STIMATE: variants seen among roughly 807,000 people sequenced by gnomAD.
The protein encoded by STIMATE is STIM activating enhancer.
STIMATE carries 15 observed loss-of-function variants against 36.7 expected under a neutral mutation model. The observed-to-expected ratio is 0.41, with a 90% CI of 0.27 to 0.63. STIMATE has a LOEUF of 0.63. STIMATE is among the 20% of genes least tolerant of loss of function. The pLI, the probability that STIMATE is intolerant of heterozygous loss-of-function variation, is 0.32. For missense variants in STIMATE, 305 were observed against 397.3 expected (o/e 0.77, Z 1.98); for synonymous variants, 163 against 162.3 (o/e 1.00, Z -0.03).
chr3:52,863,410 G>A (rs1312915506), intron 1 of STIMATE, among the ~76,000 whole-genome samples: 2 of 152,178 alleles, frequency 1.3e-5, no homozygotes, highest in African/African-American at 2.4e-5. Flanking sequence ...CACAGGAACA[G>A]TATGGGGGAA....
In STIMATE at chr3:52,896,091, G is replaced by A. The variant is rs73839530; in HGVS notation, c.160+1200C>T. On this transcript the variant is annotated intron_variant, in intron 1 of 7. Coordinates refer to ENST00000355083, the MANE Select transcript of STIMATE (RefSeq NM_198563.5). ...CAAGGACAGGCCACCAGAAGAACGC[G>A]GTATCCATGATCAGAGCCTCTTCAG... 5.2e-3 allele frequency: 2,429 copies of A among 465,208 alleles called. 60 individuals carry two copies. The highest frequency in any genetic ancestry group is 0.046 in the African/African-American group (2,289 of 49,896). The allele number at this position is 465,208 out of a possible 1,614,324, so 28.8% of individuals were successfully genotyped here.
rs1306955223 is a variant in STIMATE, at chr3:52,844,922, T to C, written c.447A>G (p.Gly149=). Residue 149 remains glycine (G), a synonymous_variant, in exon 5 of 8, where the codon GGA becomes GGG. Coordinates refer to ENST00000355083, the MANE Select transcript of STIMATE (RefSeq NM_198563.5). The part of the protein sequence containing the change: ...FGEYGDPLQC[G]AWVGQCALYI... ...AAAGAGCGCACTGCCCGACCCAGGC[T>C]CCACACTGCAGAGGGTCTCCTGCAG... The C allele has an allele frequency of 6.2e-7, 1 of 1,613,972 alleles. No homozygotes were observed. Among genetic ancestry groups the C allele is most frequent in the East Asian group, 2.2e-5 (1 of 44,872 alleles).
At position 52,845,073 on chromosome 3, in the gene STIMATE, C is replaced by CA. The variant is rs916490619; in HGVS notation, c.428-133dup. On this transcript the variant is annotated intron_variant, in intron 4 of 7. Coordinates refer to ENST00000355083, the MANE Select transcript of STIMATE (RefSeq NM_198563.5). ...TCTAAAGGTACTTAATGAGCCCCCC[C>CA]AAAAGTCCAAAGGATTACCTCATCC... The CA allele has an allele frequency of 5.7e-5, 42 of 743,294 alleles. No individual in the cohort carries two copies. The African/African-American group carries it at 6.7e-4, about 12-fold the overall frequency. 46.0% of individuals were successfully genotyped at this position (743,294 alleles called of 1,614,324 possible).
intron 4 of STIMATE, 45 bp from the exon 5 acceptor site, chr3:52,844,986 T>G: frequency 6.3e-7 from 1 of 1,597,972 alleles, no homozygotes; most frequent in Non-Finnish European, 8.6e-7. Flanking sequence ...CCCAGGCATC[T>G]GAGTGAGATG....
intron 1 of STIMATE, among the ~76,000 whole-genome samples, chr3:52,863,309 T>C (rs1411270152): frequency 6.6e-6 from 1 of 152,060 alleles, no homozygotes; most frequent in Non-Finnish European, 1.5e-5. Context: ...AAAAGGCACT[T>C]CTTACATGGT....
chr3:52,893,460 G>A (rs1174957674), intron 1 of STIMATE, among the ~76,000 whole-genome samples: 1 of 152,084 alleles, frequency 6.6e-6, no homozygotes, highest in Non-Finnish European at 1.5e-5. Context: ...GATGTTCAGT[G>A]TATTATTTTT....
chr3:52,847,255 G>A (rs1700924120), intron 4 of STIMATE: 3 of 1,168,896 alleles, frequency 2.6e-6, no homozygotes, highest in Non-Finnish European at 3.2e-6. Context: ...CCTCAGGCAT[G>A]TGGGTGTTTT....
chr3:52,858,054 G>A (rs1701139967), intron 1 of STIMATE, among the ~76,000 whole-genome samples: 2 of 152,034 alleles, frequency 1.3e-5, no homozygotes, highest in Admixed American at 6.6e-5. Flanking sequence ...GCCAAGGAGA[G>A]AGGCCTTGGA....
chr3:52,875,514 G>A (rs901160158), intron 1 of STIMATE, among the ~76,000 whole-genome samples: 11 of 152,160 alleles, frequency 7.2e-5, no homozygotes, highest in Non-Finnish European at 1.5e-4. Flanking sequence ...TTCTGTCCCC[G>A]TAACCCAAGG....
In STIMATE at chr3:52,837,367, G is replaced by A. The variant is rs1700721748; in HGVS notation, c.*3127C>T. The A allele has an allele frequency of 6.6e-6, 1 of 152,298 alleles. No homozygotes were observed. The highest frequency in any genetic ancestry group is 2.4e-5 in the African/African-American group (1 of 41,456). 9.4% of individuals were successfully genotyped at this position (152,298 alleles called of 1,614,324 possible). A position where few individuals can be genotyped will look rare whatever the true frequency, so the allele number is the denominator to read the frequency against. On this transcript the variant is annotated 3_prime_UTR_variant, in exon 8 of 8. Transcript: ENST00000355083. ...CCTTTTAATATTTTCCCTGAAGAAA[G>A]AGGCATGACAGGTGACATTAACCCA...
At chr3:52,892,970 A>C (rs573573351) in intron 1 of STIMATE, among the ~76,000 whole-genome samples, 37 of 152,140 alleles carry the variant, frequency 2.4e-4, no homozygotes, top group Admixed American at 2.6e-4. Context: ...ACCACAAGGA[A>C]ACACCCAGAC....
intron 1 of STIMATE, among the ~76,000 whole-genome samples, chr3:52,894,949 G>C (rs1405920157): frequency 6.6e-6 from 1 of 152,248 alleles, no homozygotes; most frequent in African/African-American, 2.4e-5. Context: ...AGGAAGGATG[G>C]AGTGGCCTCA....
intron 1 of STIMATE, among the ~76,000 whole-genome samples, chr3:52,896,146 A>G (rs541977862): frequency 6.6e-6 from 1 of 152,150 alleles, no homozygotes; most frequent in African/African-American, 2.4e-5. Context: ...GAATTCACTC[A>G]AAGAAACCCC....
At chr3:52,844,695 C>G in intron 5 of STIMATE, 134 bp downstream of exon 5, 1 of 973,128 alleles carries the variant, frequency 1.0e-6, no homozygotes, top group Non-Finnish European at 1.5e-6. Flanking sequence ...GTTGCCACAT[C>G]AGACCAAATG....
At chr3:52,852,511 A>C in intron 3 of STIMATE, 92 bp downstream of exon 3, 13 of 1,518,846 alleles carry the variant, frequency 8.6e-6, no homozygotes, top group Non-Finnish European at 1.2e-5. Context: ...TCCCCAAGCC[A>C]GAGGGAGCAG....
chr3:52,881,755 C>G (rs1701609140), intron 1 of STIMATE, among the ~76,000 whole-genome samples: 1 of 152,170 alleles, frequency 6.6e-6, no homozygotes, highest in South Asian at 2.1e-4. Flanking sequence ...ACAAACCACT[C>G]TGGGATTCCG....
intron 7 of STIMATE, among the ~76,000 whole-genome samples, chr3:52,842,578 C>T (rs1408450250): frequency 6.6e-6 from 1 of 152,256 alleles, no homozygotes; most frequent in Admixed American, 6.5e-5. Flanking sequence ...GCAAGCCACT[C>T]CCATCTGCTC....
At chr3:52,881,100 T>A (rs997233078) in intron 1 of STIMATE, among the ~76,000 whole-genome samples, 5 of 151,464 alleles carry the variant, frequency 3.3e-5, no homozygotes, top group African/African-American at 1.2e-4. Context: ...GGCAGGAGAA[T>A]CACTTGAACC....
intron 1 of STIMATE, among the ~76,000 whole-genome samples, chr3:52,884,079 T>G (rs191798249): frequency 1.1e-4 from 17 of 152,326 alleles, no homozygotes; most frequent in African/African-American, 4.1e-4. Context: ...AGCAGCTTGA[T>G]CATTTCAAGG....
Sources: allele counts gnomAD v4.1 joint callset (sites outside exome capture counted in the v4.1 genomes callset), GRCh38; gene constraint gnomAD v4.1.1; transcripts MANE v1.5; gene names NCBI Gene and HGNC (gene_info 2026-07-23, HGNC 2026-07-21).